Variants in CEL observed in about 807,000 individuals in gnomAD.
CEL encodes the protein bile salt-activated lipase.
A neutral mutation model predicts 57.1 loss-of-function variants in CEL; 39 were observed. The ratio of observed to expected loss-of-function variants is 0.68; its 90% CI spans 0.53 to 0.89. CEL has a LOEUF of 0.89. CEL is among the 40% of genes least tolerant of loss of function. The probability of loss-of-function intolerance (pLI) is 0.00; values close to 1 mark genes in which losing one functional copy is unlikely to be tolerated. For missense variants in CEL, 698 were observed against 915.0 expected, an observed-to-expected ratio of 0.76 and a Z score of 3.06; for synonymous variants, 314 against 396.6, an observed-to-expected ratio of 0.79 and a Z score of 2.48.
chr9:133,066,392 C>A lies in CEL; in HGVS notation c.539-138C>A, dbSNP rs936354610. 8 of 1,062,602 alleles carry A rather than the reference C, an allele frequency of 7.5e-6. No individual in the cohort carries two copies. Among genetic ancestry groups the A allele is most frequent in the Non-Finnish European group, 9.8e-6 (7 of 715,050 alleles). 65.8% of individuals were successfully genotyped at this position (1,062,602 alleles called of 1,614,324 possible). A position where few individuals can be genotyped will look rare whatever the true frequency, so the allele number is the denominator to read the frequency against. The stretch of plus-strand genomic sequence containing the variant: ...TACCCGACCCAGCTTCTTAGGGACC[C>A]ACCATTTGCCAACTGGGGCTCTGCC... On this transcript the variant is annotated intron_variant, in intron 4 of 10. Transcript: ENST00000372080. The surrounding 1 kb of genome is among the most constrained non-coding windows in gnomAD (Gnocchi z 4.3).
Position 133,067,031 on chromosome 9 carries a change from G to T in CEL, c.778-57G>T, listed in dbSNP as rs1290483567. On this transcript the variant is annotated intron_variant, in intron 6 of 10. Coordinates refer to ENST00000372080, the MANE Select transcript of CEL (RefSeq NM_001807.6). Reference sequence around the variant, plus strand: ...CTGGACCCCATCCTTGCCTTCAAATGGTTCTGAGCCCTGAGCTCCGGCCTC... The same window carrying T: ...CTGGACCCCATCCTTGCCTTCAAATTGTTCTGAGCCCTGAGCTCCGGCCTC... 5 of 1,608,982 alleles carry T rather than the reference G, an allele frequency of 3.1e-6. No homozygotes were observed. In the African/African-American group the frequency reaches 5.3e-5, roughly 17 times the overall value.
Position 133,067,152 on chromosome 9 carries a change from C to T in CEL, c.842C>T (p.Thr281Ile). The T allele has an allele frequency of 1.2e-6, 2 of 1,614,082 alleles. No homozygotes were observed. The highest frequency in any genetic ancestry group is 8.5e-7 in the Non-Finnish European group (1 of 1,179,994). ...AARMAQCLKV[T>I]DPRALTLAYK... is the part of the protein sequence containing the mutation. ...AGGATGGCCCAGTGTCTGAAGGTTACTGATCCCCGAGCCCTGACGCTGGCC... is the reference window on the plus strand; with the variant it reads ...AGGATGGCCCAGTGTCTGAAGGTTATTGATCCCCGAGCCCTGACGCTGGCC... Residue 281 changes from threonine to isoleucine, a missense_variant, in exon 7 of 11, where the codon ACT becomes ATT. Thr to Ile is a moderately conservative substitution (Grantham distance 89). Around this residue, in one of 6 missense-constraint regions of CEL, gnomAD observed 327 missense variants for 374.1 expected, o/e 0.87. Transcript: ENST00000372080.
At position 133,066,709 on chromosome 9, in the gene CEL, C is replaced by T; in HGVS notation, c.669+49C>T. 6.2e-7 allele frequency: 1 copy of T among 1,606,752 alleles called. No individual in the cohort carries two copies. The stretch of plus-strand genomic sequence containing the variant: ...GCCTGCCCCACAGGTTGAGAGGAAG[C>T]TCAAACGGGAAGGGGAGGGTGGGAG... On this transcript the variant is annotated intron_variant, in intron 5 of 10. Transcript: ENST00000372080. The surrounding 1 kb of genome is among the most constrained non-coding windows in gnomAD (Gnocchi z 4.3).
chr9:133,063,498 G>A (rs911180208), intron 1 of CEL, among the ~76,000 whole-genome samples: 17 of 152,300 alleles, frequency 1.1e-4, no homozygotes, highest in African/African-American at 3.6e-4. Flanking sequence ...GGGGTGTAGG[G>A]CCACCCTGCC....
rs1253388287 is a variant in CEL, at chr9:133,071,717, A to C, written c.2215A>C (p.Thr739Pro). Residue 739 changes from threonine to proline, a missense_variant, in exon 11 of 11, where the codon ACA (threonine) becomes CCA (proline). This residue lies in a region of CEL where 238 missense variants were observed against 213.7 expected (regional missense o/e 1.11). Transcript: ENST00000372080. ...CTCTGAGGCTGCCCCTGTGCCCCCC[A>C]CAGATGACTCCAAGGAAGCTCAGAT... ...GDSEAAPVPP[T>P]DDSKEAQMPA... is the part of the protein sequence containing the mutation. 1.2e-6 allele frequency: 2 copies of C among 1,608,376 alleles called. No homozygotes were observed. The highest frequency in any genetic ancestry group is 2.2e-5 in the East Asian group (1 of 44,526).
Position 133,064,884 on chromosome 9 carries a change from G to A in CEL, c.340+122G>A, listed in dbSNP as rs1280955253. The A allele has an allele frequency of 2.6e-6, 4 of 1,560,094 alleles. No homozygotes were observed. In the African/African-American group the frequency reaches 5.4e-5, roughly 21 times the overall value. ...CATGAAATCCCACAGAGGCGGGGAG[G>A]GGAGCGCCCACTGCCGTTGCCCAGC... On this transcript the variant is annotated intron_variant, in intron 3 of 10. Transcript: ENST00000372080.
intron 7 of CEL, among the ~76,000 whole-genome samples, chr9:133,067,866 AT>A (rs1830205133): frequency 6.6e-6 from 1 of 152,122 alleles, no homozygotes; most frequent in African/African-American, 2.4e-5. Flanking sequence ...TTCAGCAAAC[AT>A]TTACTGAACC....
intron 6 of CEL, 55 bp from the exon 7 acceptor site, chr9:133,067,033 T>G: frequency 6.2e-7 from 1 of 1,609,334 alleles, no homozygotes; most frequent in South Asian, 1.1e-5. Flanking sequence ...CTTCAAATGG[T>G]TCTGAGCCCT....
rs1830143450 is a variant in CEL at position 133,064,530 on chromosome 9, C to A, written c.193C>A (p.Pro65Thr). Residue 65 changes from proline (P) to threonine (T), a missense_variant, in exon 2 of 11, where the codon CCT (proline) becomes ACT (threonine). Coordinates refer to ENST00000372080, the MANE Select transcript of CEL (RefSeq NM_001807.6). Reference sequence around the variant, plus strand: ...AGCTCCCACCAAGGCCCTGGAAAATCCTCAGCCACATCCTGGCTGGCAAGG... The same window carrying A: ...AGCTCCCACCAAGGCCCTGGAAAATACTCAGCCACATCCTGGCTGGCAAGG... Reference protein sequence around the residue: ...FAAPTKALENPQPHPGWQGTL... With the variant: ...FAAPTKALENTQPHPGWQGTL... 1.2e-6 allele frequency: 2 copies of A among 1,614,080 alleles called. No homozygotes were observed. Among genetic ancestry groups the A allele is most frequent in the Non-Finnish European group, 1.7e-6 (2 of 1,180,030 alleles).
In CEL at chr9:133,071,708, G is replaced by C. The variant is rs776158492; in HGVS notation, c.2206G>C (p.Val736Leu). The stretch of plus-strand genomic sequence containing the variant: ...CACGGGTGACTCTGAGGCTGCCCCT[G>C]TGCCCCCCACAGATGACTCCAAGGA... ...PPTGDSEAAP[V>L]PPTDDSKEAQ... is the part of the protein sequence containing the mutation. Residue 736 changes from valine to leucine, a missense_variant, in exon 11 of 11, where the codon GTG becomes CTG. Coordinates refer to ENST00000372080, the MANE Select transcript of CEL (RefSeq NM_001807.6). 1 of 1,611,858 alleles carries C rather than the reference G, an allele frequency of 6.2e-7. No homozygotes were observed. Among genetic ancestry groups the C allele is most frequent in the East Asian group, 2.2e-5 (1 of 44,830 alleles).
At chr9:133,069,690 G>A (rs1830233673) in intron 9 of CEL, among the ~76,000 whole-genome samples, 1 of 152,070 alleles carries the variant, frequency 6.6e-6, no homozygotes, top group Non-Finnish European at 1.5e-5. Flanking sequence ...AAAAAATAAG[G>A]CCAGACACAG....
intron 3 of CEL, 72 bp from the exon 4 acceptor site, chr9:133,064,968 C>G: frequency 6.3e-7 from 1 of 1,592,704 alleles, no homozygotes; most frequent in Non-Finnish European, 8.6e-7. Flanking sequence ...ACCTGCTGCA[C>G]AGGGACAGGG....
rs200316440 is a variant in CEL, at chr9:133,066,501, T to C, written c.539-29T>C. The C allele has an allele frequency of 3.3e-4, 529 of 1,613,528 alleles. 2 individuals carry two copies. In the African/African-American group the frequency reaches 6.2e-3, roughly 19 times the overall value. ...AGGCCAGGCCTGGGCCACTGGTCTCTAGCACCCCCTCCCCTGCCCTGCCCC... is the reference window on the plus strand; with the variant it reads ...AGGCCAGGCCTGGGCCACTGGTCTCCAGCACCCCCTCCCCTGCCCTGCCCC... On this transcript the variant is annotated intron_variant, in intron 4 of 10. Coordinates refer to ENST00000372080, the MANE Select transcript of CEL (RefSeq NM_001807.6). This position sits in a 1 kb window ranked among gnomAD's most constrained non-coding sequence, Gnocchi z 4.3.
At chr9:133,065,370 A>G (rs886665744) in intron 4 of CEL, 133 bp downstream of exon 4, 49 of 1,048,656 alleles carry the variant, frequency 4.7e-5, no homozygotes, top group Non-Finnish European at 2.9e-6. Flanking sequence ...GAGTAGAATC[A>G]TGAGATGCAG....
rs762088113 is a variant in CEL, at chr9:133,065,246, G to T, written c.538+9G>T. On this transcript the variant is annotated intron_variant, in intron 4 of 10. Transcript: ENST00000372080. ...GGACGCCAATCTGCCAGGTGCGTGGGTGCCTTCGGCCCTGAGGTGGGGCGA... is the reference window on the plus strand; with the variant it reads ...GGACGCCAATCTGCCAGGTGCGTGGTTGCCTTCGGCCCTGAGGTGGGGCGA... 6.2e-6 allele frequency: 10 copies of T among 1,611,776 alleles called. No individual in the cohort carries two copies. In the South Asian group the frequency reaches 1.1e-4, roughly 18 times the overall value.
intron 4 of CEL, among the ~76,000 whole-genome samples, chr9:133,065,989 G>A (rs1341006997): frequency 1.3e-5 from 2 of 152,186 alleles, no homozygotes. Flanking sequence ...CTGCACTCCA[G>A]CCTGGGCGAC....
At position 133,071,680 on chromosome 9, in the gene CEL, C is replaced by T. The variant is rs201677122; in HGVS notation, c.2178C>T (p.Pro726=). The change falls in exon 11 of 11, where the codon CCC becomes CCT. Residue 726 remains proline, a synonymous_variant. Coordinates refer to ENST00000372080, the MANE Select transcript of CEL (RefSeq NM_001807.6). Reference sequence around the variant, plus strand: ...GTGACTCCGGGGCCCCCCCTGTGCCCCCCACGGGTGACTCTGAGGCTGCCC... The same window carrying T: ...GTGACTCCGGGGCCCCCCCTGTGCCTCCCACGGGTGACTCTGAGGCTGCCC... ...PTGDSGAPPV[P]PTGDSEAAPV... 8 of 1,590,828 alleles carry T rather than the reference C, an allele frequency of 5.0e-6. No homozygotes were observed. In the East Asian group the frequency reaches 1.4e-4, roughly 27 times the overall value.
intron 10 of CEL, 71 bp downstream of exon 10, chr9:133,070,729 C>T: frequency 6.2e-7 from 1 of 1,603,078 alleles, no homozygotes; most frequent in East Asian, 2.2e-5. Flanking sequence ...GGCCTTGTTC[C>T]CTCATTTGCC....
At position 133,067,101 on chromosome 9, in the gene CEL, T is replaced by G. The variant is rs1451464154; in HGVS notation, c.791T>G (p.Val264Gly). 1 of 1,614,028 alleles carries G rather than the reference T, an allele frequency of 6.2e-7. No individual in the cohort carries two copies. The highest frequency in any genetic ancestry group is 1.7e-5 in the Admixed American group (1 of 60,014). Reference sequence around the variant, plus strand: ...TTCTGCCCCCAGGTGGCTGAGAAGGTGGGTTGCCCTGTGGGTGATGCCGCC... The same window carrying G: ...TTCTGCCCCCAGGTGGCTGAGAAGGGGGGTTGCCCTGTGGGTGATGCCGCC... ...LFWAKKVAEK[V>G]GCPVGDAARM... The change falls in exon 7 of 11, where the codon GTG becomes GGG. Residue 264 changes from valine to glycine, a missense_variant. Around this residue, in one of 6 missense-constraint regions of CEL, gnomAD observed 327 missense variants for 374.1 expected, o/e 0.87. Transcript: ENST00000372080.
Sources: gnomAD v4.1 joint callset for allele counts (sites outside exome capture counted in the v4.1 genomes callset) on GRCh38, gnomAD v4.1.1 for gene constraint, gnomAD v4.1.1 regional missense constraint, Gnocchi (gnomAD v3.1) non-coding constraint, MANE v1.5 for transcripts, NCBI Gene and HGNC (gene_info 2026-07-23, HGNC 2026-07-21) for gene names.